ZFAT: variants seen among roughly 807,000 people sequenced by gnomAD.
The protein encoded by ZFAT is zinc finger and AT-hook domain containing.
In ZFAT, 64 loss-of-function variants were observed where a neutral mutation model predicts 117.7. The ratio of observed to expected loss-of-function variants is 0.54; its 90% CI spans 0.44 to 0.67. The LOEUF (loss-of-function observed/expected upper bound fraction) is 0.67, where lower values mean the gene tolerates loss of function less well. Among genes scored for constraint, ZFAT ranks in the 30% least tolerant of loss-of-function variants. The pLI, the probability that ZFAT is intolerant of heterozygous loss-of-function variation, is 0.00. For missense variants in ZFAT, 1,433 were observed against 1,584.5 expected, an observed-to-expected ratio of 0.90 and a Z score of 1.62; for synonymous variants, 679 against 615.0, an observed-to-expected ratio of 1.10 and a Z score of -1.54.
intron 10 of ZFAT, among the ~76,000 whole-genome samples, chr8:134,571,152 T>G (rs1563862638): frequency 1.3e-5 from 2 of 152,154 alleles, no homozygotes; most frequent in African/African-American, 4.8e-5. Flanking sequence ...ATCACCTAAA[T>G]GGACAACCAG....
chr8:134,777,988 G>GA, the ZFAT span, among the ~76,000 whole-genome samples: 4 of 151,784 alleles, frequency 2.6e-5, no homozygotes, highest in Admixed American at 2.6e-4. Context: ...CTGTTTAAAA[G>GA]AAAAAAATGT....
chr8:134,702,633 T>G (rs1037777741), intron 1 of ZFAT, among the ~76,000 whole-genome samples: 1 of 152,124 alleles, frequency 6.6e-6, no homozygotes, highest in African/African-American at 2.4e-5. Flanking sequence ...TCCACAGCCA[T>G]GTGGAACTGT....
the ZFAT span, among the ~76,000 whole-genome samples, chr8:134,727,812 T>G: frequency 6.6e-5 from 10 of 152,346 alleles, no homozygotes; most frequent in South Asian, 2.1e-3. Context: ...TAAAACCCTG[T>G]GGCTGTGTGC....
At chr8:134,520,823 G>A in intron 13 of ZFAT, 60 bp downstream of exon 13, 1 of 1,371,412 alleles carries the variant, frequency 7.3e-7, no homozygotes, top group Non-Finnish European at 1.0e-6. Flanking sequence ...ATTTGGGTTT[G>A]CCTGGTTTGT....
chr8:134,548,362 A>T (rs1253529149), intron 11 of ZFAT, among the ~76,000 whole-genome samples: 2 of 152,242 alleles, frequency 1.3e-5, no homozygotes, highest in African/African-American at 2.4e-5. Context: ...GGAGAAAAGC[A>T]GAGTGAGAAG....
chr8:134,596,754 CAA>C (rs2130902767), intron 7 of ZFAT, among the ~76,000 whole-genome samples: 1 of 152,114 alleles, frequency 6.6e-6, no homozygotes. Context: ...AAATGAGTCA[CAA>C]AAGACTGTAT....
intron 3 of ZFAT, among the ~76,000 whole-genome samples, chr8:134,635,797 T>C (rs2028556): frequency 0.48 from 72,208 of 151,984 alleles, 18,839 homozygotes; most frequent in East Asian, 0.89. Context: ...TCCTTCCTCT[T>C]TCAACCATCT....
chr8:134,753,232 C>CCAGCAACAA, the ZFAT span, among the ~76,000 whole-genome samples: 11 of 149,752 alleles, frequency 7.3e-5, no homozygotes, highest in Non-Finnish European at 1.6e-4. Flanking sequence ...AACGAACCAA[C>CCAGCAACAA]CAACAACAAC....
At chr8:134,792,085 G>A in the ZFAT span, 1 of 152,184 alleles carries the variant, frequency 6.6e-6, no homozygotes, top group East Asian at 1.9e-4. Flanking sequence ...GGAGAAATTA[G>A]AAGTGGGGAA....
intron 15 of ZFAT, among the ~76,000 whole-genome samples, chr8:134,489,763 T>G (rs1814115614): frequency 6.6e-6 from 1 of 152,176 alleles, no homozygotes; most frequent in Admixed American, 6.5e-5. Context: ...CCCCTGAAAT[T>G]TAAATGTGTG....
chr8:134,529,394 G>A (rs143847177), intron 12 of ZFAT, among the ~76,000 whole-genome samples: 55 of 152,344 alleles, frequency 3.6e-4, no homozygotes, highest in African/African-American at 1.3e-3. Context: ...CAGGCCCACT[G>A]AAGCAATACA....
chr8:134,540,504 A>C (rs1822172072), intron 11 of ZFAT, among the ~76,000 whole-genome samples: 1 of 152,168 alleles, frequency 6.6e-6, no homozygotes, highest in Admixed American at 6.5e-5. Flanking sequence ...TCTTCTCTTC[A>C]TGTAGCCCGG....
upstream of ZFAT, among the ~76,000 whole-genome samples, chr8:134,714,120 C>A (rs5895257): frequency 0.17 from 11,143 of 64,364 alleles, 1,044 homozygotes; most frequent in African/African-American, 0.35. Context: ...CCCCCCCCCC[C>A]AAAAAAAAAA....
the ZFAT span, among the ~76,000 whole-genome samples, chr8:134,781,789 TGAG>T: frequency 2.6e-5 from 4 of 152,074 alleles, no homozygotes; most frequent in African/African-American, 4.8e-5. Context: ...AACGTGAACG[TGAG>T]GAGGATGAAG....
intron 14 of ZFAT, 61 bp from the exon 15 acceptor site, chr8:134,509,810 G>T: frequency 6.5e-7 from 1 of 1,529,682 alleles, no homozygotes. Context: ...GACATGGAAT[G>T]CAAAACCAGC....
At chr8:134,672,201 T>G (rs1011838335) in intron 1 of ZFAT, among the ~76,000 whole-genome samples, 3 of 152,212 alleles carry the variant, frequency 2.0e-5, no homozygotes, top group African/African-American at 7.2e-5. Context: ...ATAGATTCAA[T>G]GCCATCCCCA....
At chr8:134,559,718 A>T (rs960882489) in intron 11 of ZFAT, among the ~76,000 whole-genome samples, 7 of 152,150 alleles carry the variant, frequency 4.6e-5, no homozygotes, top group South Asian at 2.1e-4. Flanking sequence ...ATGTTTACCA[A>T]TCTGATAAGT....
At chr8:134,523,781 A>G (rs1483876244) in intron 12 of ZFAT, among the ~76,000 whole-genome samples, 1 of 152,076 alleles carries the variant, frequency 6.6e-6, no homozygotes, top group Admixed American at 6.6e-5. Flanking sequence ...CTCTTCCCCA[A>G]GATCTCCATT....
chr8:134,714,115 C>A (rs904881723), upstream of ZFAT, among the ~76,000 whole-genome samples: 2 of 141,312 alleles, frequency 1.4e-5, no homozygotes, highest in Non-Finnish European at 1.5e-5. Flanking sequence ...ATGCCCCCCC[C>A]CCCCCAAAAA....
Sources: gnomAD v4.1 joint callset for allele counts (sites outside exome capture counted in the v4.1 genomes callset) on GRCh38, gnomAD v4.1.1 for gene constraint, MANE v1.5 for transcripts, NCBI Gene and HGNC (gene_info 2026-07-23, HGNC 2026-07-21) for gene names.